PTPRD: variants seen among roughly 807,000 people sequenced by gnomAD.
PTPRD encodes protein tyrosine phosphatase receptor type D.
A neutral mutation model predicts 214.5 loss-of-function variants in PTPRD; 34 were observed. That is an observed-to-expected ratio of 0.16 (90% confidence interval 0.12 to 0.21). The LOEUF is 0.21. Among genes scored for constraint, PTPRD ranks in the 10% least tolerant of loss-of-function variants. PTPRD has a pLI of 1.00. For missense variants in PTPRD, 2,545 were observed against 2,398.7 expected (o/e 1.06, Z -1.27); for synonymous variants, 1,128 against 845.7 (o/e 1.33, Z -5.79).
At chr9:9,211,870 G>T (rs1011672090) in intron 9 of PTPRD, among the ~76,000 whole-genome samples, 1 of 151,752 alleles carries the variant, frequency 6.6e-6, no homozygotes, top group African/African-American at 2.4e-5. Flanking sequence ...CTTAGCCCAG[G>T]TTACACAACT....
At chr9:9,918,329 G>A (rs2081515736) in intron 5 of PTPRD, among the ~76,000 whole-genome samples, 1 of 96,256 alleles carries the variant, frequency 1.0e-5, no homozygotes, top group Admixed American at 1.2e-4. Context: ...AAAATACCTA[G>A]GAATAAATTT....
intron 12 of PTPRD, chr9:8,713,972 A>T: frequency 1.6e-6 from 1 of 608,830 alleles, no homozygotes; most frequent in East Asian, 2.7e-5. Context: ...TGACCTTGGT[A>T]CACAGTGACT....
chr9:9,486,956 C>A (rs1301400036), intron 8 of PTPRD, among the ~76,000 whole-genome samples: 1 of 152,148 alleles, frequency 6.6e-6, no homozygotes, highest in Non-Finnish European at 1.5e-5. Context: ...AGTTCTCAAA[C>A]TGTGAAGAGA....
chr9:9,668,312 G>C (rs142467549), intron 7 of PTPRD, among the ~76,000 whole-genome samples: 1 of 152,096 alleles, frequency 6.6e-6, no homozygotes, highest in African/African-American at 2.4e-5. Flanking sequence ...GCAAGTCTTC[G>C]CATTTCCTCT....
At chr9:9,766,356 T>A (rs2098707052) in intron 6 of PTPRD, among the ~76,000 whole-genome samples, 1 of 152,204 alleles carries the variant, frequency 6.6e-6, no homozygotes, top group South Asian at 2.1e-4. Flanking sequence ...TTTATTTTCC[T>A]AATTCCTTCC....
intron 11 of PTPRD, among the ~76,000 whole-genome samples, chr9:8,817,811 C>G (rs1365118796): frequency 2.0e-5 from 3 of 152,140 alleles, no homozygotes; most frequent in Non-Finnish European, 4.4e-5. Flanking sequence ...TCTTGGACTT[C>G]TTGGTAGAAT....
At chr9:10,202,869 T>G in intron 3 of PTPRD, among the ~76,000 whole-genome samples, 1 of 151,720 alleles carries the variant, frequency 6.6e-6, no homozygotes, top group Non-Finnish European at 1.5e-5. Flanking sequence ...GCCAAAGTAT[T>G]AGGTGCTAAC....
At chr9:9,813,309 G>T (rs1487525840) in intron 5 of PTPRD, among the ~76,000 whole-genome samples, 2 of 151,860 alleles carry the variant, frequency 1.3e-5, no homozygotes, top group East Asian at 3.9e-4. Context: ...GAGCATAAAT[G>T]AAATGGATAC....
chr9:9,644,861 C>T (rs2096095494), intron 7 of PTPRD, among the ~76,000 whole-genome samples: 1 of 152,168 alleles, frequency 6.6e-6, no homozygotes, highest in South Asian at 2.1e-4. Context: ...TTTCCCACTT[C>T]ACCCCCTTTC....
At position 8,776,978 on chromosome 9, in the gene PTPRD, T is replaced by G. The variant is rs527835603; in HGVS notation, c.-103-43032A>C. Among the ~76,000 whole-genome samples the G allele has an allele frequency of 1.9e-4, 29 of 149,032 alleles. 1 individual carries two copies. In the Admixed American group the frequency reaches 2.0e-3, roughly 10 times the overall value. On this transcript the variant is annotated intron_variant, in intron 11 of 45. Transcript: ENST00000381196. The stretch of plus-strand genomic sequence containing the variant: ...TATATAAATATATTCTATTCATATA[T>G]ATATACATTTTTTTCTTTTTTTGAT...
chr9:9,742,696 A>G (rs1027465568), intron 6 of PTPRD, among the ~76,000 whole-genome samples: 3 of 152,076 alleles, frequency 2.0e-5, no homozygotes, highest in Non-Finnish European at 2.9e-5. Flanking sequence ...TTCATCTCAA[A>G]TATGTAACAC....
chr9:9,564,901 T>TTTTTG (rs1569569320), intron 8 of PTPRD, among the ~76,000 whole-genome samples: 5 of 141,562 alleles, frequency 3.5e-5, no homozygotes, highest in African/African-American at 1.3e-4. Flanking sequence ...TTTTTTTTTT[T>TTTTTG]TTTTTTTTTT....
chr9:9,596,337 T>G (rs2093350396), intron 7 of PTPRD, among the ~76,000 whole-genome samples: 1 of 152,118 alleles, frequency 6.6e-6, no homozygotes, highest in South Asian at 2.1e-4. Flanking sequence ...ACACATATAT[T>G]ATATAGAAAT....
chr9:9,213,639 A>G (rs2099950259), intron 9 of PTPRD, among the ~76,000 whole-genome samples: 1 of 152,154 alleles, frequency 6.6e-6, no homozygotes, highest in Non-Finnish European at 1.5e-5. Flanking sequence ...TTGTATTCAA[A>G]TATACAGACA....
intron 39 of PTPRD, among the ~76,000 whole-genome samples, chr9:8,352,146 G>T (rs1240632212): frequency 1.3e-5 from 2 of 149,346 alleles, no homozygotes; most frequent in Non-Finnish European, 3.0e-5. Context: ...GCATGATCTT[G>T]GCTTTGTCCC....
chr9:9,659,735 C>T (rs1198916409), intron 7 of PTPRD, among the ~76,000 whole-genome samples: 2 of 152,024 alleles, frequency 1.3e-5, no homozygotes, highest in Non-Finnish European at 2.9e-5. Flanking sequence ...TATTTGCATT[C>T]CTAAAAGGTG....
chr9:9,922,529 G>T (rs1400221916), intron 5 of PTPRD, among the ~76,000 whole-genome samples: 1 of 151,902 alleles, frequency 6.6e-6, no homozygotes, highest in African/African-American at 2.4e-5. Context: ...GAGTAGTTGA[G>T]ACCTACAGTA....
At position 8,776,461 on chromosome 9, in the gene PTPRD, C is replaced by T. The variant is rs183427845; in HGVS notation, c.-103-42515G>A. 2.0e-5 allele frequency among the ~76,000 whole-genome samples: 3 copies of T among 152,138 alleles called. No individual in the cohort carries two copies. The East Asian group carries it at 5.8e-4, about 29-fold the overall frequency. On this transcript the variant is annotated intron_variant, in intron 11 of 45. Coordinates refer to ENST00000381196, the MANE Select transcript of PTPRD (RefSeq NM_002839.4). Reference sequence around the variant, plus strand: ...GGACTACAGGTGCACACTACAATGTCCAGCTAATTTTTGGTTAGTAAAGAT... The same window carrying T: ...GGACTACAGGTGCACACTACAATGTTCAGCTAATTTTTGGTTAGTAAAGAT...
At chr9:9,724,496 G>C (rs1184674346) in intron 7 of PTPRD, among the ~76,000 whole-genome samples, 1 of 152,020 alleles carries the variant, frequency 6.6e-6, no homozygotes, top group Admixed American at 6.6e-5. Flanking sequence ...AGTAAGGCTT[G>C]GATAGCCTTA....
Sources: allele counts gnomAD v4.1 joint callset (sites outside exome capture counted in the v4.1 genomes callset), GRCh38; gene constraint gnomAD v4.1.1; transcripts MANE v1.5; gene names NCBI Gene and HGNC (gene_info 2026-07-23, HGNC 2026-07-21).